Variants in LOXHD1 observed in about 807,000 individuals in gnomAD.
LOXHD1 encodes lipoxygenase homology domain-containing protein 1.
A neutral mutation model predicts 248.2 loss-of-function variants in LOXHD1; 205 were observed. The ratio of observed to expected loss-of-function variants is 0.83; its 90% CI spans 0.74 to 0.93. The LOEUF (loss-of-function observed/expected upper bound fraction) is 0.93. Among genes scored for constraint, LOXHD1 ranks in the 40% least tolerant of loss-of-function variants. The probability of loss-of-function intolerance (pLI) is 0.00; values close to 1 mark genes in which losing one functional copy is unlikely to be tolerated. For missense variants in LOXHD1, 2,930 were observed against 2,971.6 expected (o/e 0.99, Z 0.33); for synonymous variants, 1,113 against 1,162.8 (o/e 0.96, Z 0.87).
chr18:46,545,885 T>G (rs985616486), intron 22 of LOXHD1, among the ~76,000 whole-genome samples: 1 of 151,936 alleles, frequency 6.6e-6, no homozygotes, highest in African/African-American at 2.4e-5. Context: ...CGCCTCGGCC[T>G]CCCAAAGTGC....
At chr18:46,650,135 C>T (rs1212313414) in intron 1 of LOXHD1, among the ~76,000 whole-genome samples, 1 of 152,100 alleles carries the variant, frequency 6.6e-6, no homozygotes, top group Non-Finnish European at 1.5e-5. Flanking sequence ...AACAGCCCAC[C>T]ATCACCTCCC....
At chr18:46,594,896 G>C (rs138057383) in intron 8 of LOXHD1, among the ~76,000 whole-genome samples, 129 of 152,222 alleles carry the variant, frequency 8.5e-4, no homozygotes, top group African/African-American at 3.0e-3. Context: ...TTTTAGGCTT[G>C]ATCCTCATTC....
chr18:46,654,040 T>G (rs2039147204), intron 1 of LOXHD1, among the ~76,000 whole-genome samples: 1 of 152,070 alleles, frequency 6.6e-6, no homozygotes, highest in Admixed American at 6.5e-5. Context: ...TATTAAGGGG[T>G]GGGGCCTTTA....
intron 21 of LOXHD1, among the ~76,000 whole-genome samples, chr18:46,548,375 A>C (rs1163036594): frequency 6.6e-6 from 1 of 152,180 alleles, no homozygotes; most frequent in African/African-American, 2.4e-5. Flanking sequence ...TAGAGTCTTC[A>C]TTGCCTCCAA....
chr18:46,544,328 T>G (rs968027221), intron 23 of LOXHD1, among the ~76,000 whole-genome samples: 4 of 152,232 alleles, frequency 2.6e-5, no homozygotes, highest in Admixed American at 1.3e-4. Context: ...TGTGAGGACT[T>G]AATGAGTTGA....
chr18:46,643,929 A>T (rs992285159), intron 2 of LOXHD1, among the ~76,000 whole-genome samples: 6 of 152,260 alleles, frequency 3.9e-5, no homozygotes, highest in Non-Finnish European at 8.8e-5. Flanking sequence ...GTACAAACAG[A>T]ATAATCAATA....
chr18:46,549,126 A>G (rs2036975758), intron 21 of LOXHD1, among the ~76,000 whole-genome samples: 1 of 152,182 alleles, frequency 6.6e-6, no homozygotes, highest in Non-Finnish European at 1.5e-5. Flanking sequence ...ATCCTGGTCA[A>G]CCAGGCTTCT....
At chr18:46,637,498 T>C (rs1599067209) in intron 4 of LOXHD1, among the ~76,000 whole-genome samples, 1 of 152,170 alleles carries the variant, frequency 6.6e-6, no homozygotes, top group South Asian at 2.1e-4. Flanking sequence ...CGATTGATCA[T>C]AGTAGAGGTT....
chr18:46,638,263 T>C (rs187947696), intron 4 of LOXHD1, among the ~76,000 whole-genome samples: 12 of 152,384 alleles, frequency 7.9e-5, no homozygotes, highest in African/African-American at 1.9e-4. Context: ...TGTTTGCATA[T>C]ATCTATTTTC....
intron 3 of LOXHD1, among the ~76,000 whole-genome samples, chr18:46,641,373 T>C (rs547576120): frequency 6.6e-6 from 1 of 152,170 alleles, no homozygotes; most frequent in Non-Finnish European, 1.5e-5. Context: ...AATTGAAGGC[T>C]CTTCCTCTGC....
At chr18:46,634,076 GT>G (rs1352308800) in intron 4 of LOXHD1, among the ~76,000 whole-genome samples, 4 of 152,172 alleles carry the variant, frequency 2.6e-5, no homozygotes, top group African/African-American at 9.7e-5. Context: ...GCAAATCTGT[GT>G]GTATATGCCC....
chr18:46,529,700 A>T (rs2035979372), intron 28 of LOXHD1, among the ~76,000 whole-genome samples: 1 of 152,232 alleles, frequency 6.6e-6, no homozygotes, highest in Non-Finnish European at 1.5e-5. Flanking sequence ...CTGCCATGAT[A>T]CATGGCAATA....
chr18:46,529,050 G>T, intron 29 of LOXHD1, 127 bp downstream of exon 29: 1 of 1,168,324 alleles, frequency 8.6e-7, no homozygotes, highest in Non-Finnish European at 1.2e-6. Flanking sequence ...AAGGGCAGAG[G>T]CCCAAATGAG....
Position 46,604,050 on chromosome 18 carries a change from G to A in LOXHD1, c.883+56C>T, listed in dbSNP as rs115299327. ...CTCCAGCCCCACAGATGCCAACAGC[G>A]ACCCTTAGGCAGAAAGTGAAATACC... On this transcript the variant is annotated intron_variant, in intron 7 of 40. Transcript: ENST00000642948. 1.4e-3 allele frequency: 2,166 copies of A among 1,546,146 alleles called. 20 individuals carry two copies. In the African/African-American group the frequency reaches 0.025, roughly 18 times the overall value.
intron 6 of LOXHD1, among the ~76,000 whole-genome samples, chr18:46,606,653 C>T (rs1161754094): frequency 1.3e-5 from 2 of 151,942 alleles, no homozygotes; most frequent in Non-Finnish European, 2.9e-5. Flanking sequence ...ATTCCAAATT[C>T]AAAAAAACCT....
At chr18:46,482,016 T>C (rs549632672) in intron 40 of LOXHD1, among the ~76,000 whole-genome samples, 3 of 152,298 alleles carry the variant, frequency 2.0e-5, no homozygotes, top group Admixed American at 1.3e-4. Context: ...TACTGAGCCA[T>C]GGAAAGGGCT....
intron 26 of LOXHD1, among the ~76,000 whole-genome samples, chr18:46,537,922 C>G (rs2036385420): frequency 6.6e-6 from 1 of 152,218 alleles, no homozygotes; most frequent in African/African-American, 2.4e-5. Flanking sequence ...CAAGTCCTGT[C>G]TCTCATCATT....
intron 1 of LOXHD1, 47 bp from the exon 2 acceptor site, chr18:46,649,316 G>T (rs371836452): frequency 1.5e-5 from 22 of 1,490,800 alleles, no homozygotes; most frequent in Non-Finnish European, 2.0e-5. Context: ...GAAAAAAACC[G>T]GAATCCTGTG....
chr18:46,618,220 G>A lies in LOXHD1; in HGVS notation c.582C>T (p.Ile194=). Residue 194 remains isoleucine, a synonymous_variant, in exon 5 of 41, where the codon ATC becomes ATT. Coordinates refer to ENST00000642948, the MANE Select transcript of LOXHD1 (RefSeq NM_001384474.1). ...TGTCTCCATACTCTCCAAAAATATT[G>A]ATGAAGACATCAGCATCTGTCCCTG... ...IGAGTDADVF[I]NIFGEYGDTG... is the part of the protein sequence containing the mutation. The A allele has an allele frequency of 6.4e-7, 1 of 1,551,160 alleles. No homozygotes were observed. Among genetic ancestry groups the A allele is most frequent in the Non-Finnish European group, 8.7e-7 (1 of 1,146,594 alleles).
Sources: allele counts gnomAD v4.1 joint callset (sites outside exome capture counted in the v4.1 genomes callset), GRCh38; gene constraint gnomAD v4.1.1; transcripts MANE v1.5; gene names NCBI Gene and HGNC (gene_info 2026-07-23, HGNC 2026-07-21).